Variants in SPICE1 observed in about 807,000 individuals in gnomAD.
The protein encoded by SPICE1 is spindle and centriole associated protein 1.
A neutral mutation model predicts 102.7 loss-of-function variants in SPICE1; 75 were observed. The ratio of observed to expected loss-of-function variants is 0.73; its 90% CI spans 0.61 to 0.88. The LOEUF is 0.88. Among genes scored for constraint, SPICE1 ranks in the 40% least tolerant of loss-of-function variants. The pLI is 0.00. For synonymous variants in SPICE1, 308 were observed against 350.3 expected (o/e 0.88, Z 1.35); for missense variants, 979 against 1,020.1 (o/e 0.96, Z 0.55).
chr3:113,494,942 GAATCCACTAATGT>G (rs1936849283), intron 4 of SPICE1, among the ~76,000 whole-genome samples: 1 of 152,150 alleles, frequency 6.6e-6, no homozygotes, highest in Non-Finnish European at 1.5e-5. Context: ...AGTGAATTCA[GAATCCACTAATGT>G]AATCCACTAA....
intron 7 of SPICE1, among the ~76,000 whole-genome samples, chr3:113,482,040 A>G (rs543214695): frequency 3.9e-5 from 6 of 152,342 alleles, no homozygotes; most frequent in Admixed American, 2.6e-4. Flanking sequence ...ACAGTGTAAA[A>G]GCATTCTTAT....
At position 113,445,038 on chromosome 3, in the gene SPICE1, C is replaced by G. The variant is rs888605577; in HGVS notation, c.*269G>C. On this transcript the variant is annotated 3_prime_UTR_variant, in exon 18 of 18. Coordinates refer to ENST00000295872, the MANE Select transcript of SPICE1 (RefSeq NM_144718.4). ...TAAAAATGTATTAATAAAAAAAACC[C>G]TTAAAATACTTAAGAAAGTATTAAA... is the stretch of plus-strand genomic sequence containing the variant. 7.7e-6 allele frequency: 2 copies of G among 260,004 alleles called. No individual in the cohort carries two copies. The highest frequency in any genetic ancestry group is 1.1e-4 in the Admixed American group (2 of 18,586). 16.1% of individuals were successfully genotyped at this position (260,004 alleles called of 1,614,324 possible).
At chr3:113,489,096 T>C in intron 6 of SPICE1, 33 bp from the exon 7 acceptor site, 1 of 1,360,940 alleles carries the variant, frequency 7.3e-7, no homozygotes. Flanking sequence ...ATAGCACAAG[T>C]TGATTATATA....
intron 7 of SPICE1, among the ~76,000 whole-genome samples, chr3:113,486,156 C>CATATATATATATATATATATATATAT (rs61506451): frequency 7.0e-6 from 1 of 142,014 alleles, no homozygotes; most frequent in African/African-American, 2.6e-5. Context: ...CCTAAATGAC[C>CATATATATATATATATATATATATAT]ATATATATAT....
intron 7 of SPICE1, among the ~76,000 whole-genome samples, chr3:113,476,451 A>T (rs1231450544): frequency 6.7e-6 from 1 of 149,510 alleles, no homozygotes; most frequent in Non-Finnish European, 1.5e-5. Flanking sequence ...GTTCATATGG[A>T]ACCGAAAAAG....
At chr3:113,492,589 C>T (rs1176977545) in intron 6 of SPICE1, among the ~76,000 whole-genome samples, 1 of 151,922 alleles carries the variant, frequency 6.6e-6, no homozygotes, top group Non-Finnish European at 1.5e-5. Flanking sequence ...TTTAAATATC[C>T]TAATACATTA....
intron 6 of SPICE1, among the ~76,000 whole-genome samples, chr3:113,491,634 A>AAAAAAAAAAC (rs1936770043): frequency 6.7e-6 from 1 of 148,300 alleles, no homozygotes; most frequent in Non-Finnish European, 1.5e-5. Context: ...CAAAAAAAAA[A>AAAAAAAAAAC]AAAAAAAAAA....
At chr3:113,457,475 G>A (rs1935805111) in intron 12 of SPICE1, 118 bp from the exon 13 acceptor site, 1 of 953,530 alleles carries the variant, frequency 1.0e-6, no homozygotes. Context: ...AATCAACATA[G>A]CTCCTGGAGC....
chr3:113,484,080 T>C (rs1936584670), intron 7 of SPICE1, among the ~76,000 whole-genome samples: 1 of 152,234 alleles, frequency 6.6e-6, no homozygotes, highest in African/African-American at 2.4e-5. Flanking sequence ...ATTCAGGGAT[T>C]CGACTTCTTC....
At chr3:113,495,358 A>G (rs1348381612) in intron 4 of SPICE1, among the ~76,000 whole-genome samples, 4 of 152,214 alleles carry the variant, frequency 2.6e-5, no homozygotes, top group African/African-American at 2.4e-5. Context: ...GACCTCAGTT[A>G]TTGTTTTAAG....
chr3:113,506,475 G>A, intron 2 of SPICE1, 32 bp downstream of exon 2: 1 of 1,530,970 alleles, frequency 6.5e-7, no homozygotes, highest in South Asian at 1.1e-5. Context: ...CCAGAGTAAT[G>A]TTACATTATT....
intron 6 of SPICE1, among the ~76,000 whole-genome samples, chr3:113,490,581 G>T (rs1205694256): frequency 1.3e-5 from 2 of 151,996 alleles, no homozygotes; most frequent in Non-Finnish European, 2.9e-5. Flanking sequence ...GGTAGAGGCT[G>T]CAGTGAGTCA....
chr3:113,470,491 A>G (rs1936169467), intron 7 of SPICE1, among the ~76,000 whole-genome samples: 1 of 152,230 alleles, frequency 6.6e-6, no homozygotes, highest in Non-Finnish European at 1.5e-5. Flanking sequence ...TCTTTTGAGA[A>G]TGTTATACCA....
At chr3:113,457,849 G>A (rs980662829) in intron 12 of SPICE1, among the ~76,000 whole-genome samples, 1 of 152,094 alleles carries the variant, frequency 6.6e-6, no homozygotes, top group African/African-American at 2.4e-5. Context: ...TTGTAAAGAC[G>A]GGGTTCACCA....
chr3:113,461,252 C>A (rs1052149283), intron 11 of SPICE1, among the ~76,000 whole-genome samples: 1 of 151,418 alleles, frequency 6.6e-6, no homozygotes, highest in African/African-American at 2.4e-5. Flanking sequence ...TTTTTACATA[C>A]GTGCATGAGA....
intron 7 of SPICE1, among the ~76,000 whole-genome samples, chr3:113,485,733 C>A (rs535551132): frequency 1.0e-3 from 158 of 152,226 alleles, no homozygotes; most frequent in African/African-American, 3.6e-3. Flanking sequence ...ATACTATGTT[C>A]TTGAATAGCA....
At chr3:113,512,016 A>G (rs1056422432) in intron 1 of SPICE1, among the ~76,000 whole-genome samples, 3 of 152,106 alleles carry the variant, frequency 2.0e-5, no homozygotes, top group Non-Finnish European at 4.4e-5. Flanking sequence ...AAATGGGGGG[A>G]AAAGTATTTC....
In SPICE1 at chr3:113,453,580, T is replaced by C. The variant is rs200749441; in HGVS notation, c.2028A>G (p.Thr676=). ...KDIMTRIADL[T]LQNSAIKAHM... ...GTGCCTTGATAGCTGAATTCTGCAA[T>C]GTCAAATCAGCAATTCGTGTCATTA... is the stretch of plus-strand genomic sequence containing the variant. The change falls in exon 14 of 18, where the codon ACA becomes ACG. Residue 676 remains threonine (T), a synonymous_variant. Transcript: ENST00000295872. 1.2e-6 allele frequency: 2 copies of C among 1,614,234 alleles called. No individual in the cohort carries two copies. The highest frequency in any genetic ancestry group is 2.2e-5 in the East Asian group (1 of 44,888).
Position 113,453,800 on chromosome 3 carries a change from C to A in SPICE1, c.1808G>T (p.Arg603Ile). The A allele has an allele frequency of 6.2e-7, 1 of 1,614,112 alleles. No homozygotes were observed. The change falls in exon 14 of 18, where the codon AGA becomes ATA. Residue 603 changes from arginine to isoleucine, a missense_variant. Coordinates refer to ENST00000295872, the MANE Select transcript of SPICE1 (RefSeq NM_144718.4). ...SSEENRLFTQ[R>I]WRVSHMGEDL... ...TTCTCCCATGTGAGAGACTCTCCAT[C>A]TCTGAGTGAAGAGACGATTCTCTTC...
Sources: allele counts gnomAD v4.1 joint callset (sites outside exome capture counted in the v4.1 genomes callset), GRCh38; gene constraint gnomAD v4.1.1; transcripts MANE v1.5; gene names NCBI Gene and HGNC (gene_info 2026-07-23, HGNC 2026-07-21).